Variants in MAGED1 observed in about 807,000 individuals in gnomAD.
The protein encoded by MAGED1 is melanoma-associated antigen D1.
Under a neutral mutation model 54.1 loss-of-function variants are expected in MAGED1, and 3 were observed. The ratio of observed to expected loss-of-function variants is 0.06; its 90% CI spans 0.03 to 0.14. The LOEUF (loss-of-function observed/expected upper bound fraction) is 0.14. MAGED1 is among the 10% of genes least tolerant of loss of function. The probability of loss-of-function intolerance (pLI) is 1.00; values close to 1 mark genes in which losing one functional copy is unlikely to be tolerated. For synonymous variants in MAGED1, 217 were observed against 227.3 expected (o/e 0.95, Z 0.41); for missense variants, 485 against 623.4 (o/e 0.78, Z 2.36).
In MAGED1 at chrX:51,819,314, G is replaced by A. The variant is rs192450745; in HGVS notation, c.-37+16197G>A. Among the ~76,000 whole-genome samples the A allele has an allele frequency of 1.3e-3, 140 of 109,874 alleles. 1 individual carries two copies. Among genetic ancestry groups the A allele is most frequent in the East Asian group, 5.5e-3 (19 of 3,463 alleles). On this transcript the variant is annotated intron_variant, in intron 1 of 12. Coordinates refer to the MAGED1 transcript ENST00000375772. ...CCTTACACTGGGCCCTAACCACAAC[G>A]AAAACCCAAGCTTGTCTCCTTTCCT...
intron 1 of MAGED1, among the ~76,000 whole-genome samples, chrX:51,851,083 A>G (rs1444029106): frequency 1.8e-5 from 2 of 111,275 alleles, no homozygotes; most frequent in African/African-American, 6.5e-5. Context: ...TGCAGTGGAA[A>G]AGTACTGGGT....
At chrX:51,810,311 A>T (rs1557355450) in intron 1 of MAGED1, among the ~76,000 whole-genome samples, 1 of 111,682 alleles carries the variant, frequency 9.0e-6, no homozygotes, top group Non-Finnish European at 1.9e-5. Context: ...GGTATTTAGA[A>T]ACTAAGATGG....
intron 1 of MAGED1, chrX:51,857,978 G>C (rs1927147738): frequency 8.9e-6 from 1 of 112,398 alleles, no homozygotes; most frequent in African/African-American, 3.2e-5. Context: ...ATACAGAGTG[G>C]CAGGAATCTT....
chrX:51,871,337 T>C (rs184315824), intron 1 of MAGED1, among the ~76,000 whole-genome samples: 211 of 110,025 alleles, frequency 1.9e-3, no homozygotes, highest in African/African-American at 6.7e-3. Context: ...GTTTGTTACT[T>C]ATGTATACAT....
At chrX:51,864,965 T>C (rs782805480) in intron 1 of MAGED1, among the ~76,000 whole-genome samples, 7 of 112,078 alleles carry the variant, frequency 6.2e-5, no homozygotes, top group Non-Finnish European at 1.1e-4. Flanking sequence ...CTAATTGCTC[T>C]GGTTAGGGCC....
intron 1 of MAGED1, among the ~76,000 whole-genome samples, chrX:51,867,154 T>G (rs1378774100): frequency 1.8e-5 from 2 of 111,469 alleles, no homozygotes; most frequent in African/African-American, 6.5e-5. Context: ...TAAGCAGATT[T>G]ACCTAAACCA....
rs782464555 is a variant in MAGED1, at chrX:51,896,493, G to C, written c.838G>C (p.Val280Leu). 8.3e-7 allele frequency: 1 copy of C among 1,211,913 alleles called. No individual in the cohort carries two copies. Among genetic ancestry groups the C allele is most frequent in the Non-Finnish European group, 1.1e-6 (1 of 895,425 alleles). ...LAAGTWRSAP[V>L]PVTTQNPPGA... is the part of the protein sequence containing the mutation. Reference sequence around the variant, plus strand: ...TGCAGGGACCTGGAGGTCTGCACCAGTTCCAGTGACCACTCAGAACCCACC... The same window carrying C: ...TGCAGGGACCTGGAGGTCTGCACCACTTCCAGTGACCACTCAGAACCCACC... Residue 280 changes from valine to leucine, a missense_variant, in exon 4 of 13, where the codon GTT (valine) becomes CTT (leucine). Transcript: ENST00000326587.
Position 51,895,668 on chromosome X carries a change from C to T in MAGED1, c.661C>T (p.Pro221Ser). The change falls in exon 3 of 13, where the codon CCT becomes TCT. Residue 221 changes from proline to serine, a missense_variant. By Grantham distance (74) the Pro-to-Ser change is moderately conservative. Transcript: ENST00000326587. ...AGAGACCGACCCAGGTATCTCTGAA[C>T]CTGACGGTGCAACTGCACAGACATC... The part of the protein sequence containing the change: ...DIETDPGISE[P>S]DGATAQTSAD... 2.5e-6 allele frequency: 3 copies of T among 1,206,831 alleles called. No homozygotes were observed. The highest frequency in any genetic ancestry group is 1.1e-6 in the Non-Finnish European group (1 of 892,952).
intron 1 of MAGED1, among the ~76,000 whole-genome samples, chrX:51,847,830 T>C (rs1392731431): frequency 8.9e-6 from 1 of 112,282 alleles, no homozygotes; most frequent in African/African-American, 3.2e-5. Flanking sequence ...ATACCAAATA[T>C]GGACATTTAC....
chrX:51,876,059 A>G (rs965071106), intron 1 of MAGED1, among the ~76,000 whole-genome samples: 2 of 111,106 alleles, frequency 1.8e-5, no homozygotes, highest in Non-Finnish European at 3.8e-5. Flanking sequence ...TCACATGACC[A>G]TAGCTTCAGA....
chrX:51,803,141 G>A (rs1053313224), intron 1 of MAGED1: 1 of 111,389 alleles, frequency 9.0e-6, no homozygotes. Flanking sequence ...AGGGGACTTG[G>A]TAATTCTCAC....
intron 1 of MAGED1, among the ~76,000 whole-genome samples, chrX:51,866,130 G>T (rs1403754574): frequency 8.9e-6 from 1 of 112,108 alleles, no homozygotes; most frequent in African/African-American, 3.2e-5. Flanking sequence ...TTAAAGCTTT[G>T]AGCTCTAGAA....
intron 1 of MAGED1, among the ~76,000 whole-genome samples, chrX:51,829,851 A>G (rs1557357256): frequency 6.3e-5 from 7 of 111,821 alleles, no homozygotes; most frequent in Admixed American, 1.9e-4. Context: ...GTCTTCATAT[A>G]TGGCTGATGT....
At chrX:51,868,362 A>AT (rs782808149) in intron 1 of MAGED1, among the ~76,000 whole-genome samples, 1 of 111,037 alleles carries the variant, frequency 9.0e-6, no homozygotes, top group Non-Finnish European at 1.9e-5. Flanking sequence ...GGAAAATGAG[A>AT]TATCAGGGAA....
intron 1 of MAGED1, among the ~76,000 whole-genome samples, chrX:51,820,361 T>C (rs1557356428): frequency 8.9e-6 from 1 of 112,156 alleles, no homozygotes; most frequent in South Asian, 3.7e-4. Context: ...TAGATCAGTT[T>C]GGAGAGTATT....
chrX:51,809,163 A>G (rs911316017), intron 1 of MAGED1, among the ~76,000 whole-genome samples: 6 of 110,784 alleles, frequency 5.4e-5, no homozygotes, highest in Middle Eastern at 4.6e-3. Context: ...CGCCCAGGCT[A>G]GAGTGCAGTG....
At chrX:51,812,587 T>C (rs868906118) in intron 1 of MAGED1, among the ~76,000 whole-genome samples, 7 of 112,202 alleles carry the variant, frequency 6.2e-5, no homozygotes, top group African/African-American at 1.9e-4. Flanking sequence ...TGTCTTAGTA[T>C]TTCCATTCCT....
intron 1 of MAGED1, among the ~76,000 whole-genome samples, chrX:51,885,538 G>T (rs550519705): frequency 9.0e-6 from 1 of 111,211 alleles, no homozygotes; most frequent in East Asian, 2.8e-4. Context: ...CATCCTGTAG[G>T]TTTTCTCTTC....
At chrX:51,835,854 A>C (rs1458462968) in intron 1 of MAGED1, among the ~76,000 whole-genome samples, 1 of 111,432 alleles carries the variant, frequency 9.0e-6, no homozygotes, top group African/African-American at 3.3e-5. Flanking sequence ...TGGGGACTTT[A>C]CCTGTGTATT....
Sources: allele counts gnomAD v4.1 joint callset (sites outside exome capture counted in the v4.1 genomes callset), GRCh38; gene constraint gnomAD v4.1.1; transcripts MANE v1.5; gene names NCBI Gene and HGNC (gene_info 2026-07-23, HGNC 2026-07-21).